Variants in NXPE2 observed in about 807,000 individuals in gnomAD.
NXPE2 encodes NXPE family member 2.
Under a neutral mutation model 34.4 loss-of-function variants are expected in NXPE2, and 34 were observed. That is an observed-to-expected ratio of 0.99 (90% CI 0.75 to 1.31). NXPE2 has a LOEUF of 1.31. Ranked by LOEUF, NXPE2 falls within the 40% of genes most tolerant of loss-of-function variation. The pLI is 0.00. For synonymous variants in NXPE2, 235 were observed against 231.3 expected, an observed-to-expected ratio of 1.02 and a Z score of -0.15; for missense variants, 649 against 672.5, an observed-to-expected ratio of 0.97 and a Z score of 0.39.
At chr11:114,796,761 C>G in the NXPE2 span, among the ~76,000 whole-genome samples, 2 of 152,280 alleles carry the variant, frequency 1.3e-5, no homozygotes, top group East Asian at 3.9e-4. Context: ...ATGTAACTAA[C>G]CAATCCCAAC....
chr11:114,540,294 C>A, the NXPE2 span, among the ~76,000 whole-genome samples: 1 of 152,308 alleles, frequency 6.6e-6, no homozygotes, highest in South Asian at 2.1e-4. Context: ...ATAAGTTAAA[C>A]TTTGTATATT....
the NXPE2 span, among the ~76,000 whole-genome samples, chr11:114,569,639 G>GT: frequency 5.9e-5 from 9 of 152,082 alleles, no homozygotes; most frequent in Admixed American, 4.6e-4. Flanking sequence ...TTTTGTTGTT[G>GT]TTTTTTGAGG....
the NXPE2 span, among the ~76,000 whole-genome samples, chr11:114,500,010 T>C: frequency 9.8e-3 from 1,499 of 152,206 alleles, 30 homozygotes; most frequent in African/African-American, 0.034. Context: ...CCACAATTTG[T>C]TATCCTGTCT....
At chr11:114,590,449 A>ATGGAT in the NXPE2 span, among the ~76,000 whole-genome samples, 1 of 152,164 alleles carries the variant, frequency 6.6e-6, no homozygotes, top group African/African-American at 2.4e-5. Context: ...TTTGCAGGCT[A>ATGGAT]TGGATACCTG....
chr11:114,709,254 G>A (rs1457153103), downstream of NXPE2, among the ~76,000 whole-genome samples: 2 of 152,190 alleles, frequency 1.3e-5, no homozygotes, highest in Non-Finnish European at 2.9e-5. Context: ...TCTCTAGAAA[G>A]TATTTTTTAA....
chr11:114,496,676 A>G, the NXPE2 span, among the ~76,000 whole-genome samples: 3 of 152,112 alleles, frequency 2.0e-5, no homozygotes, highest in Non-Finnish European at 4.4e-5. Flanking sequence ...TTCTATCCCT[A>G]TTACAATACC....
the NXPE2 span, among the ~76,000 whole-genome samples, chr11:114,751,731 G>A: frequency 6.6e-6 from 1 of 152,210 alleles, no homozygotes; most frequent in African/African-American, 2.4e-5. Context: ...GACCTTACTT[G>A]GCAAAAGGGA....
At chr11:114,601,620 T>TTATCATTATATATTA in the NXPE2 span, among the ~76,000 whole-genome samples, 1 of 1,358 alleles carries the variant, frequency 7.4e-4, no homozygotes, top group African/African-American at 1.7e-3. Context: ...TAATTATATA[T>TTATCATTATATATTA]TATATATTAT....
At chr11:114,725,976 A>AAAAAAAATATATATATATATATATATAT in the NXPE2 span, among the ~76,000 whole-genome samples, 2 of 101,768 alleles carry the variant, frequency 2.0e-5, no homozygotes, top group Non-Finnish European at 4.1e-5. Context: ...ATAAAAAAAA[A>AAAAAAAATATATATATATATATATATAT]ATATATATAT....
the NXPE2 span, chr11:114,530,141 G>C: frequency 5.2e-6 from 8 of 1,550,156 alleles, no homozygotes; most frequent in Non-Finnish European, 6.9e-6. Flanking sequence ...CTTCTCAGGG[G>C]ACACTTCTCA....
At chr11:114,683,060 C>T (rs1317310141) in intron 2 of NXPE2, among the ~76,000 whole-genome samples, 2 of 151,942 alleles carry the variant, frequency 1.3e-5, no homozygotes, top group South Asian at 2.1e-4. Context: ...TATTATTCAG[C>T]GTATAAGTGG....
chr11:114,657,724 A>C, the NXPE2 span, among the ~76,000 whole-genome samples: 10 of 152,302 alleles, frequency 6.6e-5, 1 homozygote, highest in East Asian at 1.9e-3. Flanking sequence ...AGATCATAAA[A>C]GGCTTCCTTG....
chr11:114,558,100 T>C, the NXPE2 span, among the ~76,000 whole-genome samples: 1 of 152,072 alleles, frequency 6.6e-6, no homozygotes, highest in Admixed American at 6.6e-5. Context: ...GCTTTTCTAG[T>C]TGCTCTCAAA....
Position 114,703,988 on chromosome 11 carries a change from C to T in NXPE2, c.867-3C>T, listed in dbSNP as rs941018242. On this transcript the variant is annotated splice_polypyrimidine_tract_variant and splice_region_variant and intron_variant, in intron 3 of 5. Coordinates refer to ENST00000389586, the MANE Select transcript of NXPE2 (RefSeq NM_182495.6). ...AGCTAATTTATTTTCCCATTTCTTG[C>T]AGGTCCAACATAGGAGTTGAAATGA... 1.3e-6 allele frequency: 2 copies of T among 1,548,664 alleles called. No individual in the cohort carries two copies. The highest frequency in any genetic ancestry group is 1.4e-5 in the African/African-American group (1 of 73,072).
chr11:114,669,550 C>T, the NXPE2 span, among the ~76,000 whole-genome samples: 418 of 152,184 alleles, frequency 2.7e-3, no homozygotes, highest in African/African-American at 8.8e-3. Flanking sequence ...ACTTATAGAG[C>T]AGAAGCACTT....
the NXPE2 span, among the ~76,000 whole-genome samples, chr11:114,723,661 A>AC: frequency 6.6e-6 from 1 of 151,500 alleles, no homozygotes; most frequent in Non-Finnish European, 1.5e-5. Context: ...TTCAAATGAA[A>AC]CCACTCTTTT....
At chr11:114,716,758 C>CTTG in the NXPE2 span, among the ~76,000 whole-genome samples, 1 of 152,170 alleles carries the variant, frequency 6.6e-6, no homozygotes, top group African/African-American at 2.4e-5. Flanking sequence ...AGTTTGGTAT[C>CTTG]AGTCCATTGC....
At chr11:114,666,383 GA>G in the NXPE2 span, among the ~76,000 whole-genome samples, 1 of 152,002 alleles carries the variant, frequency 6.6e-6, no homozygotes, top group Admixed American at 6.6e-5. Context: ...GGGGATGAAA[GA>G]TTTTTTTTCC....
the NXPE2 span, among the ~76,000 whole-genome samples, chr11:114,622,894 T>C: frequency 6.6e-6 from 1 of 152,086 alleles, no homozygotes; most frequent in Non-Finnish European, 1.5e-5. Context: ...TATTGCCTCA[T>C]AGGTAACCAC....
Sources: gnomAD v4.1 joint callset for allele counts (sites outside exome capture counted in the v4.1 genomes callset) on GRCh38, gnomAD v4.1.1 for gene constraint, MANE v1.5 for transcripts, NCBI Gene and HGNC (gene_info 2026-07-23, HGNC 2026-07-21) for gene names.